GNA12: variants seen among roughly 807,000 people sequenced by gnomAD.
GNA12 encodes guanine nucleotide-binding protein subunit alpha-12.
Under a neutral mutation model 26.0 loss-of-function variants are expected in GNA12, and 9 were observed. That is an observed-to-expected ratio of 0.35 (90% CI 0.21 to 0.60). The LOEUF (loss-of-function observed/expected upper bound fraction) is 0.60. GNA12 is among the 20% of genes least tolerant of loss of function. GNA12 has a pLI of 0.78. For missense variants in GNA12, 405 were observed against 525.8 expected, an observed-to-expected ratio of 0.77 and a Z score of 2.25; for synonymous variants, 264 against 219.6, an observed-to-expected ratio of 1.20 and a Z score of -1.79.
intron 2 of GNA12, among the ~76,000 whole-genome samples, chr7:2,751,156 G>A (rs2115361505): frequency 6.6e-6 from 1 of 152,244 alleles, no homozygotes; most frequent in South Asian, 2.1e-4. Flanking sequence ...AGGAGGCTGA[G>A]GCAGGTGGAC....
chr7:2,763,728 T>C (rs959072048), intron 2 of GNA12, among the ~76,000 whole-genome samples: 1 of 152,220 alleles, frequency 6.6e-6, no homozygotes, highest in African/African-American at 2.4e-5. Flanking sequence ...TTCTTCTAAA[T>C]GTGCCTTCCC....
intron 2 of GNA12, among the ~76,000 whole-genome samples, chr7:2,764,141 G>T (rs1426778126): frequency 6.6e-6 from 1 of 152,040 alleles, no homozygotes; most frequent in East Asian, 1.9e-4. Flanking sequence ...TGCAATCATG[G>T]CTCACTGCAG....
At chr7:2,788,531 A>T (rs944984097) in intron 2 of GNA12, among the ~76,000 whole-genome samples, 1 of 152,262 alleles carries the variant, frequency 6.6e-6, no homozygotes, top group African/African-American at 2.4e-5. Context: ...GACTGGCCAC[A>T]ATTTCAAAAG....
Position 2,786,022 on chromosome 7 carries a change from G to A in GNA12, c.525+8906C>T, listed in dbSNP as rs13226653. On this transcript the variant is annotated intron_variant, in intron 2 of 3. Coordinates refer to ENST00000275364, the MANE Select transcript of GNA12 (RefSeq NM_007353.3). ...GTGAAGGTTGCAGTGAGCTGAGATC[G>A]CACCACTGCACTCCAGCCTGGGTGA... is the stretch of plus-strand genomic sequence containing the variant. Among the ~76,000 whole-genome samples, 1,102 of 152,310 alleles carry A rather than the reference G, an allele frequency of 7.2e-3. 9 individuals are homozygous for A. Among genetic ancestry groups the A allele is most frequent in the Non-Finnish European group, 8.6e-3 (586 of 68,026 alleles).
chr7:2,788,246 G>A (rs1318272356), intron 2 of GNA12, among the ~76,000 whole-genome samples: 2 of 152,178 alleles, frequency 1.3e-5, no homozygotes, highest in African/African-American at 2.4e-5. Flanking sequence ...GGCTCCCCCA[G>A]GCTGCTCAAC....
At chr7:2,796,964 G>A (rs769246639) in intron 1 of GNA12, among the ~76,000 whole-genome samples, 2 of 152,144 alleles carry the variant, frequency 1.3e-5, no homozygotes, top group African/African-American at 2.4e-5. Flanking sequence ...ATACTCTCTG[G>A]TATGGTCTAC....
At chr7:2,773,760 C>T (rs923353649) in intron 2 of GNA12, among the ~76,000 whole-genome samples, 8 of 152,168 alleles carry the variant, frequency 5.3e-5, no homozygotes, top group African/African-American at 1.9e-4. Flanking sequence ...AGCAAGTCCA[C>T]CCCTGGACAG....
intron 2 of GNA12, among the ~76,000 whole-genome samples, chr7:2,771,439 T>C (rs77479413): frequency 0.016 from 2,508 of 152,316 alleles, 86 homozygotes; most frequent in African/African-American, 0.057. Context: ...ACTGTGGCCT[T>C]ATCAGCCCTT....
At chr7:2,842,079 A>T (rs1779006717) in intron 1 of GNA12, among the ~76,000 whole-genome samples, 1 of 147,600 alleles carries the variant, frequency 6.8e-6, no homozygotes. Flanking sequence ...AAGAAAAGGA[A>T]GGCGGGAAGG....
intron 1 of GNA12, among the ~76,000 whole-genome samples, chr7:2,839,913 C>A (rs1003586859): frequency 6.6e-6 from 1 of 152,104 alleles, no homozygotes. Flanking sequence ...ACAGGAGAAT[C>A]GCTTGAACCC....
chr7:2,760,772 G>A (rs2115395030), intron 2 of GNA12, among the ~76,000 whole-genome samples: 1 of 152,312 alleles, frequency 6.6e-6, no homozygotes, highest in South Asian at 2.1e-4. Flanking sequence ...GGACAGCGTC[G>A]AGCTCCCTAC....
intron 2 of GNA12, among the ~76,000 whole-genome samples, chr7:2,778,671 T>G (rs1259618198): frequency 6.6e-6 from 1 of 152,182 alleles, no homozygotes; most frequent in Non-Finnish European, 1.5e-5. Flanking sequence ...GCCAGGTAGG[T>G]AAACAAATAC....
At chr7:2,790,313 G>A (rs565040293) in intron 2 of GNA12, among the ~76,000 whole-genome samples, 73 of 152,250 alleles carry the variant, frequency 4.8e-4, no homozygotes, top group African/African-American at 1.7e-3. Context: ...GTGCAGTGGC[G>A]CGATCTCAGC....
chr7:2,764,789 C>A (rs148852844), intron 2 of GNA12: 66 of 152,380 alleles, frequency 4.3e-4, no homozygotes, highest in African/African-American at 1.5e-3. Flanking sequence ...ATTCTCCCAG[C>A]GTGAGCCGGC....
intron 1 of GNA12, among the ~76,000 whole-genome samples, chr7:2,813,199 T>C (rs1562441689): frequency 1.3e-5 from 2 of 152,256 alleles, no homozygotes; most frequent in Non-Finnish European, 2.9e-5. Flanking sequence ...AAAAGGTAAT[T>C]GTTTCCCCTT....
At chr7:2,776,672 G>C (rs143287578) in intron 2 of GNA12, among the ~76,000 whole-genome samples, 66 of 152,316 alleles carry the variant, frequency 4.3e-4, no homozygotes, top group African/African-American at 1.5e-3. Flanking sequence ...TTCCTTCCTT[G>C]CATCACCTCA....
chr7:2,804,713 T>C (rs1481860139), intron 1 of GNA12, among the ~76,000 whole-genome samples: 1 of 152,140 alleles, frequency 6.6e-6, no homozygotes, highest in Non-Finnish European at 1.5e-5. Context: ...TTGGATTGCA[T>C]GGTGAGGTCT....
intron 1 of GNA12, among the ~76,000 whole-genome samples, chr7:2,807,658 C>T (rs892274693): frequency 1.3e-5 from 2 of 151,074 alleles, no homozygotes; most frequent in Admixed American, 1.3e-4. Context: ...CTAAGACTAT[C>T]TGGAGGAAAG....
intron 1 of GNA12, among the ~76,000 whole-genome samples, chr7:2,816,850 G>C (rs1373700816): frequency 6.6e-6 from 1 of 152,134 alleles, no homozygotes; most frequent in African/African-American, 2.4e-5. Flanking sequence ...GAAAACTCAG[G>C]CTAGAGAAAT....
Sources: gnomAD v4.1 joint callset for allele counts (sites outside exome capture counted in the v4.1 genomes callset) on GRCh38, gnomAD v4.1.1 for gene constraint, MANE v1.5 for transcripts, NCBI Gene and HGNC (gene_info 2026-07-23, HGNC 2026-07-21) for gene names.